The following SBF2 variants were observed in gnomAD, a reference collection of about 807,000 sequenced individuals.
SBF2 encodes the protein SET binding factor 2, also known as myotubularin-related protein 13.
In SBF2, 112 loss-of-function variants were observed where a neutral mutation model predicts 225.2. The ratio of observed to expected loss-of-function variants is 0.50; its 90% CI spans 0.43 to 0.58. The LOEUF is 0.58. SBF2 is among the 20% of genes least tolerant of loss of function. The pLI is 0.00. For missense variants in SBF2, 1,996 were observed against 2,206.2 expected (o/e 0.90, Z 1.91); for synonymous variants, 763 against 773.3 (o/e 0.99, Z 0.22).
intron 2 of SBF2, among the ~76,000 whole-genome samples, chr11:10,063,406 G>A (rs1265741159): frequency 6.7e-6 from 1 of 150,278 alleles, no homozygotes; most frequent in East Asian, 1.9e-4. Context: ...CGCCCAGGCT[G>A]GAGTGCAGTG....
At chr11:10,061,843 T>G (rs1223525167) in intron 2 of SBF2, among the ~76,000 whole-genome samples, 1 of 152,138 alleles carries the variant, frequency 6.6e-6, no homozygotes, top group Non-Finnish European at 1.5e-5. Flanking sequence ...AAAAAACTAT[T>G]TTAAAATTTA....
intron 1 of SBF2, among the ~76,000 whole-genome samples, chr11:10,285,047 C>G (rs889382474): frequency 6.6e-6 from 1 of 152,032 alleles, no homozygotes; most frequent in African/African-American, 2.4e-5. Context: ...AGGTGACTCA[C>G]GGCTGTAATC....
chr11:10,124,883 T>TC (rs1953670072), intron 2 of SBF2, among the ~76,000 whole-genome samples: 1 of 151,990 alleles, frequency 6.6e-6, no homozygotes, highest in African/African-American at 2.4e-5. Flanking sequence ...GGCAGGCGGA[T>TC]CACCTGAGGT....
At chr11:9,951,199 T>C (rs1356844858) in intron 16 of SBF2, among the ~76,000 whole-genome samples, 2 of 152,134 alleles carry the variant, frequency 1.3e-5, no homozygotes, top group South Asian at 2.1e-4. Context: ...AGGCAATAGA[T>C]GTGTAAGGCC....
intron 13 of SBF2, among the ~76,000 whole-genome samples, chr11:9,986,326 A>C (rs994673598): frequency 6.6e-6 from 1 of 151,924 alleles, no homozygotes; most frequent in Non-Finnish European, 1.5e-5. Context: ...CTACATCAAA[A>C]AGTCTGAAAG....
intron 1 of SBF2, among the ~76,000 whole-genome samples, chr11:10,233,869 T>G (rs552503121): frequency 1.3e-5 from 2 of 152,196 alleles, no homozygotes; most frequent in Non-Finnish European, 2.9e-5. Context: ...ATCTTACTCT[T>G]GGTCTCCCTA....
intron 2 of SBF2, among the ~76,000 whole-genome samples, chr11:10,167,746 G>A (rs1326889039): frequency 5.3e-5 from 8 of 152,196 alleles, no homozygotes; most frequent in African/African-American, 1.4e-4. Flanking sequence ...GGCCAAGCAC[G>A]GTGGCTCATG....
chr11:10,171,022 GTTTTAATAGTT>G (rs1187921737), intron 2 of SBF2, among the ~76,000 whole-genome samples: 3 of 151,966 alleles, frequency 2.0e-5, no homozygotes, highest in Admixed American at 6.6e-5. Flanking sequence ...TTGTTCATCA[GTTTTAATAGTT>G]TTTTGGTGAA....
intron 26 of SBF2, among the ~76,000 whole-genome samples, chr11:9,835,578 G>C (rs1215260906): frequency 1.5e-5 from 2 of 130,480 alleles, no homozygotes; most frequent in African/African-American, 2.9e-5. Flanking sequence ...GCTGCAGTGA[G>C]TTGGAATCAC....
upstream of SBF2, among the ~76,000 whole-genome samples, chr11:10,296,684 G>T (rs756014546): frequency 6.6e-6 from 1 of 152,148 alleles, no homozygotes; most frequent in Non-Finnish European, 1.5e-5. Flanking sequence ...GAATAGTGCT[G>T]CTTCAAACAT....
chr11:10,090,871 A>C (rs1372988031), intron 2 of SBF2, among the ~76,000 whole-genome samples: 1 of 152,098 alleles, frequency 6.6e-6, no homozygotes, highest in Non-Finnish European at 1.5e-5. Flanking sequence ...ATGCTAAATA[A>C]AATGCAATTC....
chr11:9,915,081 T>C (rs1183368732), intron 16 of SBF2, among the ~76,000 whole-genome samples: 1 of 152,058 alleles, frequency 6.6e-6, no homozygotes, highest in Non-Finnish European at 1.5e-5. Flanking sequence ...CTTGTGAAGA[T>C]GGAGATGAAA....
At chr11:9,842,526 G>T in intron 25 of SBF2, 99 bp downstream of exon 25, 1 of 1,259,582 alleles carries the variant, frequency 7.9e-7, no homozygotes, top group South Asian at 1.2e-5. Flanking sequence ...ATGAGATCTA[G>T]GTTTTTGTGA....
intron 1 of SBF2, among the ~76,000 whole-genome samples, chr11:10,205,184 AAAAT>A (rs1241514716): frequency 2.0e-5 from 3 of 151,922 alleles, no homozygotes; most frequent in Admixed American, 2.0e-4. Context: ...AATTGAGTTT[AAAAT>A]AAATAAACAA....
chr11:10,291,551 G>A (rs1009344775), intron 1 of SBF2, among the ~76,000 whole-genome samples: 1 of 152,100 alleles, frequency 6.6e-6, no homozygotes, highest in African/African-American at 2.4e-5. Flanking sequence ...TCGGCTGGAT[G>A]TGCTTAGACT....
chr11:10,112,501 A>C (rs933427396), intron 2 of SBF2, among the ~76,000 whole-genome samples: 1 of 152,186 alleles, frequency 6.6e-6, no homozygotes, highest in Non-Finnish European at 1.5e-5. Flanking sequence ...AGCCATGTGA[A>C]ACTGTAAGTC....
chr11:10,173,531 T>C lies in SBF2; in HGVS notation c.141+20371A>G, dbSNP rs530458600. 5.9e-3 allele frequency among the ~76,000 whole-genome samples: 904 copies of C among 152,328 alleles called. 14 individuals carry two copies. Among genetic ancestry groups the C allele is most frequent in the African/African-American group, 0.02 (820 of 41,584 alleles). ...TCCTACGCCCACGGAGTCTCGCTGATTGCTAGCACAGCAGTCTGAGATCAA... is the reference window on the plus strand; with the variant it reads ...TCCTACGCCCACGGAGTCTCGCTGACTGCTAGCACAGCAGTCTGAGATCAA... On this transcript the variant is annotated intron_variant, in intron 2 of 39. Coordinates refer to ENST00000256190, the MANE Select transcript of SBF2 (RefSeq NM_030962.4).
chr11:9,894,209 C>CT (rs1421831258), intron 17 of SBF2, among the ~76,000 whole-genome samples: 1 of 152,160 alleles, frequency 6.6e-6, no homozygotes, highest in Non-Finnish European at 1.5e-5. Flanking sequence ...TGGTGAAACT[C>CT]TGTCTCTACA....
At chr11:9,917,717 G>A (rs750420263) in intron 16 of SBF2, among the ~76,000 whole-genome samples, 3 of 149,270 alleles carry the variant, frequency 2.0e-5, no homozygotes, top group East Asian at 1.9e-4. Context: ...CTTATGGTAC[G>A]TGCCTTCCTG....
Sources: gnomAD v4.1 joint callset for allele counts (sites outside exome capture counted in the v4.1 genomes callset) on GRCh38, gnomAD v4.1.1 for gene constraint, MANE v1.5 for transcripts, NCBI Gene and HGNC (gene_info 2026-07-23, HGNC 2026-07-21) for gene names.